The following DPP6 variants were observed in gnomAD, a reference collection of about 807,000 sequenced individuals.
DPP6 encodes A-type potassium channel modulatory protein DPP6.
In DPP6, 69 loss-of-function variants were observed where a neutral mutation model predicts 122.6. The ratio of observed to expected loss-of-function variants is 0.56; its 90% CI spans 0.46 to 0.69. DPP6 has a LOEUF of 0.69. Ranked by LOEUF, DPP6 falls within the 30% of genes least tolerant of loss-of-function variation. DPP6 has a pLI of 0.00. For synonymous variants in DPP6, 418 were observed against 433.1 expected, an observed-to-expected ratio of 0.97 and a Z score of 0.43; for missense variants, 928 against 1,116.9, an observed-to-expected ratio of 0.83 and a Z score of 2.41.
At chr7:154,846,027 G>A (rs6597429) in intron 16 of DPP6, among the ~76,000 whole-genome samples, 92,193 of 149,096 alleles carry the variant, frequency 0.62, 29,426 homozygotes, top group East Asian at 0.96. Context: ...GTGGAGATAC[G>A]GACTCATCCC....
chr7:154,668,498 C>T (rs1263645378), intron 6 of DPP6, among the ~76,000 whole-genome samples: 3 of 151,832 alleles, frequency 2.0e-5, no homozygotes, highest in Non-Finnish European at 2.9e-5. Context: ...GGATTACAAG[C>T]GTGAGCCACC....
At chr7:154,026,507 A>G (rs1798961261) in intron 1 of DPP6, 1 of 152,210 alleles carries the variant, frequency 6.6e-6, no homozygotes, top group African/African-American at 2.4e-5. Flanking sequence ...AGGGCTTTCT[A>G]GAACATGTAG....
At chr7:154,449,849 T>TAA (rs200286788) in intron 2 of DPP6, among the ~76,000 whole-genome samples, 1 of 149,470 alleles carries the variant, frequency 6.7e-6, no homozygotes, top group Non-Finnish European at 1.5e-5. Flanking sequence ...CTACTAAAAA[T>TAA]AAAAAAAAAC....
intron 1 of DPP6, among the ~76,000 whole-genome samples, chr7:154,191,304 A>G (rs1026669049): frequency 3.9e-5 from 6 of 152,268 alleles, no homozygotes; most frequent in African/African-American, 7.2e-5. Flanking sequence ...GACATTGAAT[A>G]TGTAGAGAAC....
intron 17 of DPP6, 90 bp downstream of exon 17, chr7:154,853,917 T>G: frequency 1.9e-6 from 3 of 1,545,674 alleles, no homozygotes; most frequent in Non-Finnish European, 1.8e-6. Context: ...CACATTCTCC[T>G]ACTCAGAGAC....
At chr7:154,426,297 G>A (rs1301178840) in intron 1 of DPP6, among the ~76,000 whole-genome samples, 1 of 152,136 alleles carries the variant, frequency 6.6e-6, no homozygotes, top group Admixed American at 6.5e-5. Context: ...TATTGAGTAG[G>A]GAATGGGAAA....
chr7:154,265,057 C>CATG (rs372814457), intron 1 of DPP6, among the ~76,000 whole-genome samples: 264 of 7,146 alleles, frequency 0.037, 52 homozygotes, highest in African/African-American at 0.13. Flanking sequence ...TGATGGTGAT[C>CATG]ATGATGGTGT....
At chr7:153,901,556 G>C (rs1346737116) in intron 1 of DPP6, among the ~76,000 whole-genome samples, 1 of 152,174 alleles carries the variant, frequency 6.6e-6, no homozygotes, top group African/African-American at 2.4e-5. Context: ...AGATTGATAG[G>C]TCAACTAATG....
chr7:154,621,476 C>G (rs1324709323), intron 5 of DPP6, among the ~76,000 whole-genome samples: 1 of 152,220 alleles, frequency 6.6e-6, no homozygotes, highest in Non-Finnish European at 1.5e-5. Context: ...TCAAGCGATT[C>G]TCCTGCCTCA....
At chr7:154,004,713 C>T (rs1337770025) in intron 1 of DPP6, among the ~76,000 whole-genome samples, 3 of 151,596 alleles carry the variant, frequency 2.0e-5, no homozygotes, top group African/African-American at 7.3e-5. Flanking sequence ...AGTCATTTCT[C>T]CACGTCCCTA....
intron 1 of DPP6, among the ~76,000 whole-genome samples, chr7:154,013,892 C>T (rs1275034776): frequency 8.6e-5 from 13 of 151,294 alleles, no homozygotes; most frequent in Non-Finnish European, 1.8e-4. Flanking sequence ...CATCAGATCC[C>T]GGTCACATTG....
At chr7:153,804,332 A>T in the DPP6 span, among the ~76,000 whole-genome samples, 4 of 152,046 alleles carry the variant, frequency 2.6e-5, no homozygotes, top group East Asian at 7.8e-4. Context: ...GATTACAGGC[A>T]TGAGCCACAG....
chr7:154,494,553 TG>T lies in DPP6; in HGVS notation c.457+19517del, dbSNP rs542833446. Among the ~76,000 whole-genome samples the T allele has an allele frequency of 9.7e-4, 147 of 152,134 alleles. No homozygotes were observed. The South Asian group carries it at 0.012, about 12-fold the overall frequency. ...AGGATGAATATGTTCTTATAATTTT[TG>T]TTTCTTTCTATATTTCAGATAAAAC... On this transcript the variant is annotated intron_variant, in intron 3 of 25. Transcript: ENST00000377770.
chr7:153,925,227 C>T (rs1362554015), intron 1 of DPP6, among the ~76,000 whole-genome samples: 1 of 152,280 alleles, frequency 6.6e-6, no homozygotes, highest in Non-Finnish European at 1.5e-5. Context: ...AGAAGGTCCC[C>T]AAGATTCTGA....
chr7:154,595,435 A>C (rs182187070), intron 5 of DPP6, among the ~76,000 whole-genome samples: 16 of 152,248 alleles, frequency 1.1e-4, no homozygotes, highest in Admixed American at 1.0e-3. Context: ...CTCTCAAGCC[A>C]GTGAGTTAGA....
At chr7:154,171,602 C>T (rs1437507936) in intron 1 of DPP6, among the ~76,000 whole-genome samples, 1 of 152,156 alleles carries the variant, frequency 6.6e-6, no homozygotes, top group Non-Finnish European at 1.5e-5. Flanking sequence ...TGCTGGCAGC[C>T]ATTACCATCT....
intron 1 of DPP6, among the ~76,000 whole-genome samples, chr7:154,206,391 CAT>C (rs899136591): frequency 1.3e-5 from 2 of 152,232 alleles, no homozygotes; most frequent in African/African-American, 4.8e-5. Flanking sequence ...AGAGGCATGG[CAT>C]GCCAGAGAAA....
chr7:153,835,383 T>C, the DPP6 span, among the ~76,000 whole-genome samples: 1 of 152,044 alleles, frequency 6.6e-6, no homozygotes, highest in Non-Finnish European at 1.5e-5. Context: ...CACTGGCGGT[T>C]TTATGACTGT....
chr7:154,822,231 C>T (rs1431813190), intron 16 of DPP6, among the ~76,000 whole-genome samples: 1 of 152,172 alleles, frequency 6.6e-6, no homozygotes, highest in Non-Finnish European at 1.5e-5. Flanking sequence ...ATCCTGGCAG[C>T]TGTAACAAAA....
Sources: gnomAD v4.1 joint callset for allele counts (sites outside exome capture counted in the v4.1 genomes callset) on GRCh38, gnomAD v4.1.1 for gene constraint, MANE v1.5 for transcripts, NCBI Gene and HGNC (gene_info 2026-07-23, HGNC 2026-07-21) for gene names.